The following RASAL2 variants were observed in gnomAD, a reference collection of about 807,000 sequenced individuals.
The protein encoded by RASAL2 is RAS protein activator like 2.
RASAL2 carries 58 observed loss-of-function variants against 128.9 expected under a neutral mutation model. That is an observed-to-expected ratio of 0.45 (90% CI 0.36 to 0.56). The LOEUF (loss-of-function observed/expected upper bound fraction) is 0.56, where lower values mean the gene tolerates loss of function less well. RASAL2 is among the 20% of genes least tolerant of loss of function. The pLI is 0.00. For missense variants in RASAL2, 1,360 were observed against 1,601.6 expected, an observed-to-expected ratio of 0.85 and a Z score of 2.57; for synonymous variants, 561 against 580.8, an observed-to-expected ratio of 0.97 and a Z score of 0.49.
chr1:178,408,602 G>T (rs866376641), intron 4 of RASAL2, among the ~76,000 whole-genome samples: 15 of 141,628 alleles, frequency 1.1e-4, no homozygotes, highest in South Asian at 4.3e-4. Context: ...TGTTTGGTTG[G>T]TTTTTTTTTG....
At chr1:178,390,411 A>T (rs1672831130) in intron 4 of RASAL2, among the ~76,000 whole-genome samples, 1 of 151,854 alleles carries the variant, frequency 6.6e-6, no homozygotes, top group African/African-American at 2.4e-5. Flanking sequence ...ACTGAGTCTC[A>T]CTCTGTCATC....
chr1:178,349,436 G>T (rs961623689), intron 3 of RASAL2, among the ~76,000 whole-genome samples: 1 of 151,762 alleles, frequency 6.6e-6, no homozygotes, highest in Non-Finnish European at 1.5e-5. Flanking sequence ...ATAAAATAAA[G>T]AAAGTTCACC....
intron 2 of RASAL2, among the ~76,000 whole-genome samples, chr1:178,286,821 A>G (rs1472358180): frequency 6.6e-6 from 1 of 152,196 alleles, no homozygotes; most frequent in Non-Finnish European, 1.5e-5. Flanking sequence ...TGATATCCAT[A>G]GAGAGATTTT....
chr1:178,290,726 A>G (rs2102238202), intron 2 of RASAL2, among the ~76,000 whole-genome samples: 1 of 152,182 alleles, frequency 6.6e-6, no homozygotes, highest in East Asian at 1.9e-4. Context: ...CCCAGGCTGA[A>G]GTGCGGTGGT....
At chr1:178,347,281 T>C (rs1356685224) in intron 3 of RASAL2, among the ~76,000 whole-genome samples, 1 of 152,202 alleles carries the variant, frequency 6.6e-6, no homozygotes, top group Non-Finnish European at 1.5e-5. Context: ...CATTTTACTT[T>C]GTTCTTGAAT....
chr1:178,188,690 C>T (rs1036580045), intron 1 of RASAL2, among the ~76,000 whole-genome samples: 4 of 152,102 alleles, frequency 2.6e-5, no homozygotes, highest in African/African-American at 9.7e-5. Flanking sequence ...AACTTACATT[C>T]GGATTCTATG....
intron 1 of RASAL2, among the ~76,000 whole-genome samples, chr1:178,204,127 A>G (rs923709698): frequency 6.6e-6 from 1 of 152,250 alleles, no homozygotes; most frequent in African/African-American, 2.4e-5. Context: ...ACATATTTGT[A>G]CATTTATACA....
intron 1 of RASAL2, among the ~76,000 whole-genome samples, chr1:178,203,299 A>G (rs1378356308): frequency 6.6e-6 from 1 of 152,214 alleles, no homozygotes; most frequent in Non-Finnish European, 1.5e-5. Flanking sequence ...CACTGGTCTT[A>G]CCATGTTCCT....
intron 14 of RASAL2, among the ~76,000 whole-genome samples, chr1:178,459,316 C>G (rs994972741): frequency 7.9e-5 from 12 of 151,882 alleles, no homozygotes; most frequent in Admixed American, 5.2e-4. Context: ...TTGAAACAAA[C>G]TACTGTTAAA....
At chr1:178,241,032 G>A (rs1212855045) in intron 1 of RASAL2, among the ~76,000 whole-genome samples, 2 of 151,966 alleles carry the variant, frequency 1.3e-5, no homozygotes, top group South Asian at 2.1e-4. Flanking sequence ...TTTTAAATAA[G>A]AGTGCAGAAT....
intron 1 of RASAL2, among the ~76,000 whole-genome samples, chr1:178,200,159 C>A (rs1473056084): frequency 6.6e-6 from 1 of 152,118 alleles, no homozygotes. Context: ...AGAACCCTGA[C>A]TAATACAAAT....
intron 3 of RASAL2, among the ~76,000 whole-genome samples, chr1:178,325,830 A>T (rs1392713453): frequency 1.3e-5 from 2 of 152,208 alleles, no homozygotes; most frequent in African/African-American, 4.8e-5. Context: ...GCTGGGTACC[A>T]TGGCTCATGA....
intron 3 of RASAL2, among the ~76,000 whole-genome samples, chr1:178,371,434 C>G (rs1671713367): frequency 6.6e-6 from 1 of 151,682 alleles, no homozygotes; most frequent in Non-Finnish European, 1.5e-5. Context: ...AGAATTGCCC[C>G]CAAGTTCCGA....
At chr1:178,255,031 C>T (rs566439947) in intron 1 of RASAL2, among the ~76,000 whole-genome samples, 12 of 151,752 alleles carry the variant, frequency 7.9e-5, no homozygotes, top group East Asian at 1.9e-4. Context: ...GAAAGTACTC[C>T]GGAAAAAATC....
chr1:178,283,758 T>G, intron 2 of RASAL2, 67 bp downstream of exon 2: 1 of 1,577,312 alleles, frequency 6.3e-7, no homozygotes, highest in Non-Finnish European at 8.7e-7. Flanking sequence ...TTACCTAGTT[T>G]TTGTTTGCAT....
At chr1:178,453,915 T>C (rs1677575383) in intron 11 of RASAL2, among the ~76,000 whole-genome samples, 1 of 152,108 alleles carries the variant, frequency 6.6e-6, no homozygotes, top group African/African-American at 2.4e-5. Context: ...TGCAGAAATA[T>C]ACATATTTAT....
intron 1 of RASAL2, among the ~76,000 whole-genome samples, chr1:178,227,286 C>T (rs1280321718): frequency 2.0e-5 from 3 of 151,996 alleles, no homozygotes; most frequent in African/African-American, 4.8e-5. Flanking sequence ...TCTTACATGT[C>T]GTTGTCTAAG....
At chr1:178,457,658 T>C in intron 13 of RASAL2, 25 bp from the exon 14 acceptor site, 2 of 1,598,588 alleles carry the variant, frequency 1.3e-6, no homozygotes, top group Non-Finnish European at 1.7e-6. Context: ...TCAAGAGAAA[T>C]TAAGTGTCCT....
intron 1 of RASAL2, among the ~76,000 whole-genome samples, chr1:178,187,315 GTTCTA>G (rs1248006385): frequency 6.6e-6 from 1 of 151,860 alleles, no homozygotes; most frequent in Non-Finnish European, 1.5e-5. Flanking sequence ...TTAATCTACT[GTTCTA>G]TTCATCAAGT....
Sources: allele counts gnomAD v4.1 joint callset (sites outside exome capture counted in the v4.1 genomes callset), GRCh38; gene constraint gnomAD v4.1.1; transcripts MANE v1.5; gene names NCBI Gene and HGNC (gene_info 2026-07-23, HGNC 2026-07-21).